Variants in CD36 observed in about 807,000 individuals in gnomAD.
CD36 encodes CD36 molecule (CD36 blood group), also known as platelet glycoprotein 4.
A neutral mutation model predicts 55.2 loss-of-function variants in CD36; 119 were observed. The ratio of observed to expected loss-of-function variants is 2.15; its 90% CI spans 1.86 to 2.51. CD36 has a LOEUF of 2.51. Ranked by LOEUF, CD36 falls within the 30% of genes most tolerant of loss-of-function variation. The pLI is 0.00. For synonymous variants in CD36, 186 were observed against 193.6 expected (o/e 0.96, Z 0.33); for missense variants, 819 against 555.5 (o/e 1.47, Z -4.77).
In CD36 at chr7:80,664,478, G is replaced by T; in HGVS notation, c.682G>T (p.Asp228Tyr). Reference sequence around the variant, plus strand: ...TAACATAAGTAAAGTTGCCATAATCGACACATATAAAGGTAAAAGGTAAGT... The same window carrying T: ...TAACATAAGTAAAGTTGCCATAATCTACACATATAAAGGTAAAAGGTAAGT... Reference protein sequence around the residue: ...KDNISKVAIIDTYKGKRNLSY... With the variant: ...KDNISKVAIIYTYKGKRNLSY... Residue 228 changes from aspartate (D) to tyrosine (Y), a missense_variant, in exon 7 of 15, where the codon GAC becomes TAC. By Grantham distance (160) the Asp-to-Tyr change is radical. Coordinates refer to ENST00000447544, the MANE Select transcript of CD36 (RefSeq NM_001001548.3). The T allele has an allele frequency of 6.4e-7, 1 of 1,561,150 alleles. No individual in the cohort carries two copies. The highest frequency in any genetic ancestry group is 1.1e-5 in the South Asian group (1 of 89,956).
intron 1 of CD36, among the ~76,000 whole-genome samples, chr7:80,629,109 A>G (rs1793916062): frequency 6.6e-6 from 1 of 151,940 alleles, no homozygotes; most frequent in African/African-American, 2.4e-5. Flanking sequence ...AGCTGAATCA[A>G]TAGGAGGACA....
chr7:80,606,789 C>T (rs1792573879), intron 1 of CD36, among the ~76,000 whole-genome samples: 1 of 152,132 alleles, frequency 6.6e-6, no homozygotes, highest in African/African-American at 2.4e-5. Flanking sequence ...CTTTGCTAGC[C>T]TAGTCACGTA....
At chr7:80,628,910 AC>A (rs1455428295) in intron 1 of CD36, among the ~76,000 whole-genome samples, 2 of 151,984 alleles carry the variant, frequency 1.3e-5, no homozygotes, top group African/African-American at 4.8e-5. Flanking sequence ...AAATGGTTGC[AC>A]TCTTTTGAGT....
rs767264990 is a variant in CD36, at chr7:80,674,198, C to G, written c.*51C>G. The G allele has an allele frequency of 3.2e-6, 4 of 1,269,622 alleles. No homozygotes were observed. The African/African-American group carries it at 5.9e-5, about 19-fold the overall frequency. 78.6% of individuals were successfully genotyped at this position (1,269,622 alleles called of 1,614,324 possible). A position where few individuals can be genotyped will look rare whatever the true frequency, so the allele number is the denominator to read the frequency against. On this transcript the variant is annotated intron_variant, in intron 14 of 14. Coordinates refer to ENST00000447544, the MANE Select transcript of CD36 (RefSeq NM_001001548.3). ...TTCAATAATATTAGCTTATATATTA[C>G]TTGTTTTCACTTTATCAAAGAGAAG...
At chr7:80,636,873 T>C (rs959421889), upstream of CD36, 25 of 152,088 alleles carry the variant, frequency 1.6e-4, no homozygotes, top group African/African-American at 6.0e-4. Flanking sequence ...GTCTATGGGA[T>C]TGAACACTTA....
intron 13 of CD36, 138 bp downstream of exon 13, chr7:80,673,547 A>T: frequency 1.5e-6 from 1 of 674,396 alleles, no homozygotes; most frequent in Non-Finnish European, 2.7e-6. Context: ...CATTTATTTA[A>T]CCTATTTGAG....
In CD36 at chr7:80,667,499, T is replaced by C. The variant is rs560687872; in HGVS notation, c.748+1010T>C. On this transcript the variant is annotated intron_variant, in intron 8 of 14. Transcript: ENST00000447544. ...AAGTAATTAATATCCAGAGGCAAGC[T>C]TTCAACTACTAGGAAACAAAAGCAT... 1.8e-4 allele frequency among the ~76,000 whole-genome samples: 27 copies of C among 150,142 alleles called. 1 individual carries two copies. In the South Asian group the frequency reaches 5.7e-3, roughly 32 times the overall value.
chr7:80,668,992 G>A (rs1422368835), intron 8 of CD36, among the ~76,000 whole-genome samples: 4 of 152,094 alleles, frequency 2.6e-5, no homozygotes, highest in Non-Finnish European at 2.9e-5. Flanking sequence ...CACTTTCAAA[G>A]CATTTGAAGT....
intron 1 of CD36, among the ~76,000 whole-genome samples, chr7:80,610,795 T>G (rs570933898): frequency 1.6e-3 from 238 of 152,084 alleles, no homozygotes; most frequent in African/African-American, 5.3e-3. Flanking sequence ...GGCTGGTCTC[T>G]ATCTCCTGAC....
At position 80,672,344 on chromosome 7, in the gene CD36, G is replaced by A. The variant is rs190750339; in HGVS notation, c.1125+304G>A. On this transcript the variant is annotated intron_variant, in intron 11 of 14. Coordinates refer to ENST00000447544, the MANE Select transcript of CD36 (RefSeq NM_001001548.3). ...TCAAAATCTATAAAATTGTTGTAGC[G>A]CAACAGTTTTAATCATCTTTATTTT... 2.3e-4 allele frequency among the ~76,000 whole-genome samples: 35 copies of A among 151,690 alleles called. No individual in the cohort carries two copies. The East Asian group carries it at 6.6e-3, about 29-fold the overall frequency.
In CD36 at chr7:80,666,433, C is replaced by T; in HGVS notation, c.702-10C>T. On this transcript the variant is annotated splice_polypyrimidine_tract_variant and intron_variant, in intron 7 of 14. Transcript: ENST00000447544. ...AAGAATGTTTATTCATTGTCTTTTT[C>T]TATTCCTAGGAATCTGTCCTATTGG... 2 of 1,568,376 alleles carry T rather than the reference C, an allele frequency of 1.3e-6. No homozygotes were observed. Among genetic ancestry groups the T allele is most frequent in the Non-Finnish European group, 1.8e-6 (2 of 1,139,180 alleles).
At chr7:80,664,551 A>G (rs1431519182) in intron 7 of CD36, 54 bp downstream of exon 7, 3 of 946,538 alleles carry the variant, frequency 3.2e-6, no homozygotes, top group African/African-American at 1.6e-5. Flanking sequence ...CTTAAGCAGG[A>G]ATAGTATTCA....
intron 1 of CD36, chr7:80,633,071 C>A (rs1794177251): frequency 6.6e-6 from 1 of 151,954 alleles, no homozygotes; most frequent in Non-Finnish European, 1.5e-5. Flanking sequence ...CTAAATGTTT[C>A]TGTTTTTTCC....
chr7:80,646,982 G>T, intron 3 of CD36, 122 bp downstream of exon 3: 1 of 1,094,804 alleles, frequency 9.1e-7, no homozygotes, highest in East Asian at 2.5e-5. Flanking sequence ...TTGACATAAA[G>T]GTAATTATGA....
intron 1 of CD36, among the ~76,000 whole-genome samples, chr7:80,611,778 A>C (rs2115780760): frequency 1.3e-5 from 2 of 152,292 alleles, no homozygotes; most frequent in South Asian, 4.1e-4. Flanking sequence ...TGGGTGTCTT[A>C]ATCTTGGAGG....
Position 80,672,849 on chromosome 7 carries a change from TC to T in CD36, c.1199+7del. Reference sequence around the variant, plus strand: ...AAGCCATCAGAAAAAATTCAGTGAGTCTCTTGAAAATGGTTATTTTGATATG... The same window carrying T: ...AAGCCATCAGAAAAAATTCAGTGAGTTCTTGAAAATGGTTATTTTGATATG... On this transcript the variant is annotated splice_region_variant and intron_variant, in intron 12 of 14. Transcript: ENST00000447544. 1.9e-6 allele frequency: 3 copies of T among 1,598,154 alleles called. No homozygotes were observed. The highest frequency in any genetic ancestry group is 2.6e-6 in the Non-Finnish European group (3 of 1,166,982).
At chr7:80,653,030 G>A (rs529215194) in intron 3 of CD36, among the ~76,000 whole-genome samples, 282 of 152,282 alleles carry the variant, frequency 1.9e-3, no homozygotes, top group African/African-American at 6.7e-3. Context: ...GATAAGGAAA[G>A]TGAGGTACAA....
rs67213422 is a variant in CD36, at chr7:80,604,350, A to ATTTTTT, written c.-184+2006_-184+2011dup. ...TACAGTAATTGGCTAAGCCACTGGA[A>ATTTTTT]TTTTTTTTTTTTTTTTTTTTTTTTT... is the stretch of plus-strand genomic sequence containing the variant. On this transcript the variant is annotated intron_variant, in intron 1 of 13. Transcript: ENST00000309881. Among the ~76,000 whole-genome samples, 131 of 54,292 alleles carry ATTTTTT rather than the reference A, an allele frequency of 2.4e-3. 24 individuals are homozygous for ATTTTTT. Among genetic ancestry groups the ATTTTTT allele is most frequent in the Middle Eastern group, 0.056 (2 of 36 alleles). The allele number at this position is 54,292 out of a possible 152,430, so 35.6% of individuals were successfully genotyped here. A position where few individuals can be genotyped will look rare whatever the true frequency, so the allele number is the denominator to read the frequency against.
At chr7:80,660,605 A>T (rs3173800) in intron 4 of CD36, among the ~76,000 whole-genome samples, 44,361 of 151,854 alleles carry the variant, frequency 0.29, 7,134 homozygotes, top group South Asian at 0.44. Flanking sequence ...CTCACCTCTT[A>T]CTCTGTAATC....
Sources: gnomAD v4.1 joint callset for allele counts (sites outside exome capture counted in the v4.1 genomes callset) on GRCh38, gnomAD v4.1.1 for gene constraint, MANE v1.5 for transcripts, NCBI Gene and HGNC (gene_info 2026-07-23, HGNC 2026-07-21) for gene names.